The following CDYL2 variants were observed in gnomAD, a reference collection of about 807,000 sequenced individuals.
The protein encoded by CDYL2 is chromodomain Y-like protein 2.
In CDYL2, 23 loss-of-function variants were observed where a neutral mutation model predicts 49.4. That is an observed-to-expected ratio of 0.47 (90% confidence interval 0.34 to 0.66). CDYL2 has a LOEUF of 0.66. Among genes scored for constraint, CDYL2 ranks in the 30% least tolerant of loss-of-function variants. The pLI, the probability that CDYL2 is intolerant of heterozygous loss-of-function variation, is 0.01. For missense variants in CDYL2, 678 were observed against 656.4 expected, an observed-to-expected ratio of 1.03 and a Z score of -0.36; for synonymous variants, 360 against 268.8, an observed-to-expected ratio of 1.34 and a Z score of -3.32.
chr16:80,638,464 T>G (rs553763382), intron 2 of CDYL2, among the ~76,000 whole-genome samples: 1 of 152,340 alleles, frequency 6.6e-6, no homozygotes, highest in Non-Finnish European at 1.5e-5. Flanking sequence ...AGCTATTTTG[T>G]AGATATTGGC....
intron 1 of CDYL2, among the ~76,000 whole-genome samples, chr16:80,766,977 T>A (rs747611305): frequency 2.0e-5 from 3 of 152,136 alleles, no homozygotes; most frequent in African/African-American, 2.4e-5. Flanking sequence ...ATTTTGCAGA[T>A]GAATAAACTG....
chr16:80,766,540 T>C (rs1047499607), intron 1 of CDYL2, among the ~76,000 whole-genome samples: 1 of 152,184 alleles, frequency 6.6e-6, no homozygotes, highest in African/African-American at 2.4e-5. Context: ...CTGTAATAAG[T>C]ATCAGAAGTT....
At position 80,612,635 on chromosome 16, in the gene CDYL2, G is replaced by A. The variant is rs764460104; in HGVS notation, c.1209C>T (p.Gly403=). ...ATCACAGGAGGCTTACCAGCGCGAC[G>A]CCCAGGATCTGGGGGAAGGTGTAGG... The part of the protein sequence containing the change: ...CSSYTFPQIL[G]VALANEMLFC... Residue 403 remains glycine, a synonymous_variant, in exon 5 of 7, where the codon GGC becomes GGT. Transcript: ENST00000570137. The surrounding 1 kb of genome is among the most constrained non-coding windows in gnomAD (Gnocchi z 5.0). 4.9e-5 allele frequency: 78 copies of A among 1,607,766 alleles called. No individual in the cohort carries two copies. The highest frequency in any genetic ancestry group is 1.2e-4 in the Admixed American group (7 of 59,600).
intron 1 of CDYL2, among the ~76,000 whole-genome samples, chr16:80,711,414 C>G (rs1418497631): frequency 6.6e-6 from 1 of 152,182 alleles, no homozygotes; most frequent in African/African-American, 2.4e-5. Flanking sequence ...TGGGAGGGGG[C>G]AAAGGTGGGG....
At chr16:80,779,810 TAGA>T (rs1015869850) in intron 1 of CDYL2, among the ~76,000 whole-genome samples, 4 of 152,156 alleles carry the variant, frequency 2.6e-5, no homozygotes, top group African/African-American at 7.2e-5. Context: ...AAAGACAGAC[TAGA>T]AGGATATACA....
At chr16:80,630,793 C>A (rs1027206426) in intron 3 of CDYL2, among the ~76,000 whole-genome samples, 6 of 152,212 alleles carry the variant, frequency 3.9e-5, no homozygotes, top group Admixed American at 1.3e-4. Context: ...CGTAAAAGAA[C>A]CAGGGTCTAT....
intron 1 of CDYL2, among the ~76,000 whole-genome samples, chr16:80,775,741 C>G (rs934587912): frequency 6.6e-6 from 1 of 151,622 alleles, no homozygotes. Flanking sequence ...GAAGGAGAAC[C>G]TAAGACTTCA....
intron 1 of CDYL2, among the ~76,000 whole-genome samples, chr16:80,717,023 TGGATGGATGGATGGATGCAC>T (rs1904829612): frequency 1.3e-5 from 2 of 151,572 alleles, no homozygotes; most frequent in African/African-American, 4.9e-5. Flanking sequence ...GATGGATGGA[TGGATGGATGGATGGATGCAC>T]GGATGGATGG....
rs868138519 is a variant in CDYL2, at chr16:80,782,616, A to T, written c.24+21534T>A. Among the ~76,000 whole-genome samples, 3 of 151,944 alleles carry T rather than the reference A, an allele frequency of 2.0e-5. No homozygotes were observed. In the South Asian group the frequency reaches 6.2e-4, roughly 32 times the overall value. On this transcript the variant is annotated intron_variant, in intron 1 of 6. Transcript: ENST00000570137. ...TTCTCAACAAAATACTAGGAAACCAAATTCAGCAGTATGTTAAAAGGATCA... is the reference window on the plus strand; with the variant it reads ...TTCTCAACAAAATACTAGGAAACCATATTCAGCAGTATGTTAAAAGGATCA...
intron 1 of CDYL2, among the ~76,000 whole-genome samples, chr16:80,757,714 T>A (rs935499888): frequency 1.3e-5 from 2 of 151,606 alleles, no homozygotes; most frequent in African/African-American, 4.8e-5. Flanking sequence ...AAAAGCAAAA[T>A]TGAACAGAAC....
intron 1 of CDYL2, among the ~76,000 whole-genome samples, chr16:80,741,393 T>C (rs1191075663): frequency 6.6e-6 from 1 of 151,640 alleles, no homozygotes; most frequent in Non-Finnish European, 1.5e-5. Context: ...ACAGACAAGG[T>C]CTAGGCTTAC....
intron 1 of CDYL2, among the ~76,000 whole-genome samples, chr16:80,685,711 T>C (rs772185822): frequency 2.2e-4 from 34 of 152,234 alleles, no homozygotes; most frequent in Middle Eastern, 6.8e-3. Context: ...ATGAAGTAAA[T>C]ATTTTTCTAT....
At chr16:80,699,373 G>A (rs1203608324) in intron 1 of CDYL2, among the ~76,000 whole-genome samples, 4 of 152,200 alleles carry the variant, frequency 2.6e-5, no homozygotes, top group Non-Finnish European at 2.9e-5. Context: ...CAACATGCAC[G>A]AGCCTGCTGG....
chr16:80,631,834 A>G (rs4470162), intron 3 of CDYL2, among the ~76,000 whole-genome samples: 6,621 of 152,296 alleles, frequency 0.043, 306 homozygotes, highest in Admixed American at 0.15. Flanking sequence ...CAAAGCCACA[A>G]TGAGATACCA....
rs572550832 is a variant in CDYL2, at chr16:80,602,844, G to A, written c.*1544C>T. On this transcript the variant is annotated 3_prime_UTR_variant, in exon 7 of 7. Transcript: ENST00000570137. Reference sequence around the variant, plus strand: ...AGAATCTAGCTTTTTCTGGGTGCTTGACCCATGGTTTAAACCTCACGCAGA... The same window carrying A: ...AGAATCTAGCTTTTTCTGGGTGCTTAACCCATGGTTTAAACCTCACGCAGA... The A allele has an allele frequency of 6.6e-6, 1 of 152,324 alleles. No individual in the cohort carries two copies. The highest frequency in any genetic ancestry group is 2.1e-4 in the South Asian group (1 of 4,826). 9.4% of individuals were successfully genotyped at this position (152,324 alleles called of 1,614,324 possible). A position where few individuals can be genotyped will look rare whatever the true frequency, so the allele number is the denominator to read the frequency against.
At chr16:80,794,589 T>G (rs1175859358) in intron 1 of CDYL2, among the ~76,000 whole-genome samples, 1 of 150,794 alleles carries the variant, frequency 6.6e-6, no homozygotes, top group Non-Finnish European at 1.5e-5. Context: ...AATTATTACA[T>G]TCCCAGTGAT....
chr16:80,685,792 G>A (rs969195007), intron 1 of CDYL2, among the ~76,000 whole-genome samples: 1 of 152,148 alleles, frequency 6.6e-6, no homozygotes, highest in Non-Finnish European at 1.5e-5. Context: ...GAATGGTAAG[G>A]GCAGAACTGG....
intron 1 of CDYL2, among the ~76,000 whole-genome samples, chr16:80,779,705 A>C (rs1282050480): frequency 6.6e-6 from 1 of 152,146 alleles, no homozygotes; most frequent in East Asian, 1.9e-4. Flanking sequence ...GTAAGGAAAT[A>C]CTTATATTGT....
At chr16:80,687,467 T>C (rs1910244120) in intron 1 of CDYL2, among the ~76,000 whole-genome samples, 1 of 151,926 alleles carries the variant, frequency 6.6e-6, no homozygotes, top group Non-Finnish European at 1.5e-5. Context: ...GATGTATAAA[T>C]AAATGAATAG....
Sources: gnomAD v4.1 joint callset for allele counts (sites outside exome capture counted in the v4.1 genomes callset) on GRCh38, gnomAD v4.1.1 for gene constraint, Gnocchi (gnomAD v3.1) non-coding constraint, MANE v1.5 for transcripts, NCBI Gene and HGNC (gene_info 2026-07-23, HGNC 2026-07-21) for gene names.